Variants in PIEZO2 observed in about 807,000 individuals in gnomAD.
PIEZO2 encodes the protein piezo type mechanosensitive ion channel component 2, also known as piezo-type mechanosensitive ion channel component 2.
A neutral mutation model predicts 337.3 loss-of-function variants in PIEZO2; 172 were observed. The ratio of observed to expected loss-of-function variants is 0.51; its 90% CI spans 0.45 to 0.58. The LOEUF (loss-of-function observed/expected upper bound fraction) is 0.58, where lower values mean the gene tolerates loss of function less well. Ranked by LOEUF, PIEZO2 falls within the 20% of genes least tolerant of loss-of-function variation. The pLI, the probability that PIEZO2 is intolerant of heterozygous loss-of-function variation, is 0.00. For missense variants in PIEZO2, 3,028 were observed against 3,391.3 expected (o/e 0.89, Z 2.66); for synonymous variants, 1,251 against 1,228.5 (o/e 1.02, Z -0.38).
intron 3 of PIEZO2, among the ~76,000 whole-genome samples, chr18:10,911,629 C>T (rs1489889790): frequency 1.3e-5 from 2 of 152,094 alleles, no homozygotes; most frequent in African/African-American, 4.8e-5. Flanking sequence ...GTGGTGGGCA[C>T]CTGTAATCCC....
At chr18:11,023,377 C>A in intron 2 of PIEZO2, among the ~76,000 whole-genome samples, 1 of 152,306 alleles carries the variant, frequency 6.6e-6, no homozygotes, top group African/African-American at 2.4e-5. Flanking sequence ...AGAGGGTCCA[C>A]ACAAAGGTTC....
At chr18:10,734,728 C>T (rs2036929242) in intron 35 of PIEZO2, among the ~76,000 whole-genome samples, 1 of 152,178 alleles carries the variant, frequency 6.6e-6, no homozygotes, top group African/African-American at 2.4e-5. Flanking sequence ...CCGCAGACTG[C>T]ACTGGGTGGA....
intron 4 of PIEZO2, among the ~76,000 whole-genome samples, chr18:10,908,162 G>C (rs772840061): frequency 6.6e-6 from 1 of 152,244 alleles, no homozygotes; most frequent in Non-Finnish European, 1.5e-5. Context: ...CAACATCTCA[G>C]GGGAGGTCCA....
intron 3 of PIEZO2, among the ~76,000 whole-genome samples, chr18:10,976,235 G>A (rs2034436617): frequency 6.6e-6 from 1 of 152,104 alleles, no homozygotes; most frequent in African/African-American, 2.4e-5. Context: ...TCTGAAGTTT[G>A]TTTGTTCTTC....
chr18:10,789,482 G>T, intron 14 of PIEZO2, 117 bp from the exon 15 acceptor site: 6 of 1,250,954 alleles, frequency 4.8e-6, no homozygotes, highest in Non-Finnish European at 6.4e-6. Flanking sequence ...TGTATAATTT[G>T]GATGATTTTA....
At chr18:11,054,120 A>C (rs749530255) in intron 2 of PIEZO2, among the ~76,000 whole-genome samples, 2 of 152,260 alleles carry the variant, frequency 1.3e-5, no homozygotes, top group African/African-American at 4.8e-5. Flanking sequence ...AATAAATTTA[A>C]TGCAGGACAA....
At chr18:10,869,947 C>T (rs2042099552) in intron 5 of PIEZO2, among the ~76,000 whole-genome samples, 1 of 151,114 alleles carries the variant, frequency 6.6e-6, no homozygotes, top group African/African-American at 2.4e-5. Flanking sequence ...GTGATCTCGG[C>T]TCACTGCAAC....
chr18:10,777,056 G>C (rs1392178900), intron 18 of PIEZO2, among the ~76,000 whole-genome samples: 2 of 152,094 alleles, frequency 1.3e-5, no homozygotes, highest in Non-Finnish European at 2.9e-5. Flanking sequence ...CAAATAATAC[G>C]CATGATGATG....
Position 10,773,435 on chromosome 18 carries a change from G to T in PIEZO2, c.2762C>A (p.Ser921Tyr). ...SEEDGEEEEE[S>Y]EEEEETSDLR... ...ACCTGATGTTTCTTCCTCCTCCTCGGATTCCTCCTCTTCCTCTCCGTCCTC... is the reference window on the plus strand; with the variant it reads ...ACCTGATGTTTCTTCCTCCTCCTCGTATTCCTCCTCTTCCTCTCCGTCCTC... Residue 921 changes from serine (S) to tyrosine (Y), a missense_variant, in exon 20 of 56, where the codon TCC becomes TAC. Ser to Tyr is a moderately radical substitution (Grantham distance 144, BLOSUM62 -2). Coordinates refer to ENST00000674853, the MANE Select transcript of PIEZO2 (RefSeq NM_001378183.1). The surrounding 1 kb of genome is among the most constrained non-coding windows in gnomAD (Gnocchi z 5.3). The T allele has an allele frequency of 6.5e-7, 1 of 1,537,262 alleles. No homozygotes were observed.
intron 37 of PIEZO2, among the ~76,000 whole-genome samples, chr18:10,717,861 A>G (rs1215941717): frequency 6.6e-6 from 1 of 152,122 alleles, no homozygotes; most frequent in African/African-American, 2.4e-5. Context: ...TTTTAAAAAT[A>G]ATTGCCAGTA....
At position 11,101,628 on chromosome 18, in the gene PIEZO2, T is replaced by C. The variant is rs1049703810; in HGVS notation, c.65-35406A>G. On this transcript the variant is annotated intron_variant, in intron 1 of 55. Transcript: ENST00000674853. This position sits in a 1 kb window ranked among gnomAD's most constrained non-coding sequence, Gnocchi z 4.4. ...TGACATTTTCCCCCATGACATTCTA[T>C]TTCTCAAACCTGTCAATTTGAAAAA... Among the ~76,000 whole-genome samples, 1 of 152,232 alleles carries C rather than the reference T, an allele frequency of 6.6e-6. No individual in the cohort carries two copies. Among genetic ancestry groups the C allele is most frequent in the African/African-American group, 2.4e-5 (1 of 41,472 alleles).
At chr18:10,725,612 G>GC in intron 36 of PIEZO2, 2 of 1,306,266 alleles carry the variant, frequency 1.5e-6, no homozygotes, top group Non-Finnish European at 2.1e-6. Flanking sequence ...AGCCGCCTCC[G>GC]CCCTCTGGCT....
intron 49 of PIEZO2, among the ~76,000 whole-genome samples, chr18:10,688,231 C>G (rs2143591090): frequency 6.6e-6 from 1 of 152,182 alleles, no homozygotes; most frequent in South Asian, 2.1e-4. Context: ...TGTTCGGCTC[C>G]CGCTTATGAG....
In PIEZO2 at chr18:10,746,924, C is replaced by A. The variant is rs2037446955; in HGVS notation, c.4424+1547G>T. Among the ~76,000 whole-genome samples the A allele has an allele frequency of 6.6e-6, 1 of 152,102 alleles. No homozygotes were observed. Among genetic ancestry groups the A allele is most frequent in the Non-Finnish European group, 1.5e-5 (1 of 68,030 alleles). On this transcript the variant is annotated intron_variant, in intron 30 of 55. Coordinates refer to ENST00000674853, the MANE Select transcript of PIEZO2 (RefSeq NM_001378183.1). This position sits in a 1 kb window ranked among gnomAD's most constrained non-coding sequence, Gnocchi z 4.2. ...TCCGCCCAAATGGACTGAGACGATACCAGGTGTACTGTAGTAGAATTGCTT... is the reference window on the plus strand; with the variant it reads ...TCCGCCCAAATGGACTGAGACGATAACAGGTGTACTGTAGTAGAATTGCTT...
chr18:10,877,928 C>T lies in PIEZO2; in HGVS notation c.330-6513G>A, dbSNP rs548197515. The stretch of plus-strand genomic sequence containing the variant: ...ACTGAATGCACGTACCCAGAACGCG[C>T]CAGTGTTTTCCCTCTGAGCAAGTGT... On this transcript the variant is annotated intron_variant, in intron 4 of 55. Transcript: ENST00000674853. This position sits in a 1 kb window ranked among gnomAD's most constrained non-coding sequence, Gnocchi z 5.3. Among the ~76,000 whole-genome samples the T allele has an allele frequency of 1.3e-3, 203 of 152,256 alleles. No homozygotes were observed. The highest frequency in any genetic ancestry group is 4.7e-3 in the African/African-American group (197 of 41,550).
intron 36 of PIEZO2, among the ~76,000 whole-genome samples, chr18:10,729,285 C>A (rs2036668686): frequency 6.6e-6 from 1 of 151,984 alleles, no homozygotes; most frequent in Non-Finnish European, 1.5e-5. Flanking sequence ...TTTTTTAATG[C>A]CTTTTATATT....
rs973719837 is a variant in PIEZO2, at chr18:11,038,040, C to T, written c.160+28087G>A. Among the ~76,000 whole-genome samples, 1 of 152,216 alleles carries T rather than the reference C, an allele frequency of 6.6e-6. No individual in the cohort carries two copies. Among genetic ancestry groups the T allele is most frequent in the Non-Finnish European group, 1.5e-5 (1 of 68,032 alleles). ...TGTCCACCTGGACTTCTGAGTTAAA[C>T]AACAGTAGGTGAGATGTAAGATAAG... On this transcript the variant is annotated intron_variant, in intron 2 of 55. Coordinates refer to ENST00000674853, the MANE Select transcript of PIEZO2 (RefSeq NM_001378183.1). This position sits in a 1 kb window ranked among gnomAD's most constrained non-coding sequence, Gnocchi z 4.1.
chr18:11,094,247 T>C lies in PIEZO2; in HGVS notation c.65-28025A>G, dbSNP rs2039195146. On this transcript the variant is annotated intron_variant, in intron 1 of 55. Transcript: ENST00000674853. This position sits in a 1 kb window ranked among gnomAD's most constrained non-coding sequence, Gnocchi z 4.4. Reference sequence around the variant, plus strand: ...TCCTTTATGTTCCAGCTTGAACGTATGTATGGTAGGTTAATCCTCCCAAAT... The same window carrying C: ...TCCTTTATGTTCCAGCTTGAACGTACGTATGGTAGGTTAATCCTCCCAAAT... Among the ~76,000 whole-genome samples, 1 of 152,212 alleles carries C rather than the reference T, an allele frequency of 6.6e-6. No homozygotes were observed. Among genetic ancestry groups the C allele is most frequent in the South Asian group, 2.1e-4 (1 of 4,832 alleles).
At position 10,726,281 on chromosome 18, in the gene PIEZO2, G is replaced by A. The variant is rs1567990092; in HGVS notation, c.5029+5126C>T. On this transcript the variant is annotated intron_variant, in intron 36 of 55. Coordinates refer to ENST00000674853, the MANE Select transcript of PIEZO2 (RefSeq NM_001378183.1). The surrounding 1 kb of genome is among the most constrained non-coding windows in gnomAD (Gnocchi z 5.9). The stretch of plus-strand genomic sequence containing the variant: ...TGTGTTCGGGAGCATGAGAATGGAA[G>A]CGTCGCGGCCAGAGCCCCGGCCAGG... 1 of 874,436 alleles carries A rather than the reference G, an allele frequency of 1.1e-6. No homozygotes were observed. The highest frequency in any genetic ancestry group is 1.8e-6 in the Non-Finnish European group (1 of 553,756). 54.2% of individuals were successfully genotyped at this position (874,436 alleles called of 1,614,324 possible).
Sources: gnomAD v4.1 joint callset for allele counts (sites outside exome capture counted in the v4.1 genomes callset) on GRCh38, gnomAD v4.1.1 for gene constraint, Gnocchi (gnomAD v3.1) non-coding constraint, MANE v1.5 for transcripts, NCBI Gene and HGNC (gene_info 2026-07-23, HGNC 2026-07-21) for gene names.